SRGAP1: variants seen among roughly 807,000 people sequenced by gnomAD.
SRGAP1 encodes SLIT-ROBO Rho GTPase-activating protein 1.
Under a neutral mutation model 121.9 loss-of-function variants are expected in SRGAP1, and 43 were observed. That is an observed-to-expected ratio of 0.35 (90% CI 0.28 to 0.46). The LOEUF is 0.46. Ranked by LOEUF, SRGAP1 falls within the 20% of genes least tolerant of loss-of-function variation. The pLI, the probability that SRGAP1 is intolerant of heterozygous loss-of-function variation, is 1.00. For missense variants in SRGAP1, 1,102 were observed against 1,350.9 expected, an observed-to-expected ratio of 0.82 and a Z score of 2.89; for synonymous variants, 447 against 485.4, an observed-to-expected ratio of 0.92 and a Z score of 1.04.
Position 64,118,877 on chromosome 12 carries a change from T to C in SRGAP1, c.2224+2984T>C, listed in dbSNP as rs151017599. Reference sequence around the variant, plus strand: ...GCTGGGACTACAGGCATGGCTAATTTTTGTATTTTTAGTAGAGACAGCATT... The same window carrying C: ...GCTGGGACTACAGGCATGGCTAATTCTTGTATTTTTAGTAGAGACAGCATT... On this transcript the variant is annotated intron_variant, in intron 18 of 21. Coordinates refer to ENST00000355086, the MANE Select transcript of SRGAP1 (RefSeq NM_020762.4). 1.0e-3 allele frequency among the ~76,000 whole-genome samples: 152 copies of C among 152,052 alleles called. 2 individuals are homozygous for C. Among genetic ancestry groups the C allele is most frequent in the African/African-American group, 3.4e-3 (141 of 41,472 alleles).
chr12:64,006,769 C>A (rs181785275), intron 3 of SRGAP1, among the ~76,000 whole-genome samples: 6 of 152,058 alleles, frequency 3.9e-5, no homozygotes, highest in Admixed American at 3.9e-4. Context: ...ACCAGTGTGT[C>A]CTGGGGGGGA....
At chr12:64,067,460 A>C (rs1331421872) in intron 8 of SRGAP1, among the ~76,000 whole-genome samples, 2 of 152,120 alleles carry the variant, frequency 1.3e-5, no homozygotes, top group Non-Finnish European at 2.9e-5. Flanking sequence ...ACTGACTGCA[A>C]AATAAAACTT....
chr12:64,116,688 C>T (rs2036529310), intron 18 of SRGAP1, among the ~76,000 whole-genome samples: 1 of 152,152 alleles, frequency 6.6e-6, no homozygotes, highest in South Asian at 2.1e-4. Context: ...AACAGTGCTG[C>T]TATGCACTGT....
intron 1 of SRGAP1, among the ~76,000 whole-genome samples, chr12:63,852,835 C>T (rs555540324): frequency 1.3e-5 from 2 of 152,178 alleles, no homozygotes; most frequent in East Asian, 3.9e-4. Flanking sequence ...GCTTCTGTTT[C>T]ACTAGAAAGC....
chr12:63,947,198 A>G (rs2032078621), intron 1 of SRGAP1, among the ~76,000 whole-genome samples: 3 of 152,234 alleles, frequency 2.0e-5, no homozygotes, highest in South Asian at 4.1e-4. Flanking sequence ...ATTTAAATTT[A>G]TAAGAAACTG....
intron 4 of SRGAP1, among the ~76,000 whole-genome samples, chr12:64,028,216 CA>C (rs2034696358): frequency 6.6e-6 from 1 of 152,220 alleles, no homozygotes; most frequent in South Asian, 2.1e-4. Context: ...ATTCCATGCA[CA>C]AACTCTTGGA....
In SRGAP1 at chr12:64,018,715, A is replaced by G. The variant is rs369385274; in HGVS notation, c.489+1703A>G. ...AAACTTTCCACTCTCCATGCAACCT[A>G]CAAAAGCCTCAGGTTAAGAGATTAT... On this transcript the variant is annotated intron_variant, in intron 4 of 21. Coordinates refer to ENST00000355086, the MANE Select transcript of SRGAP1 (RefSeq NM_020762.4). Among the ~76,000 whole-genome samples, 6 of 152,208 alleles carry G rather than the reference A, an allele frequency of 3.9e-5. No homozygotes were observed. In the East Asian group the frequency reaches 5.8e-4, roughly 15 times the overall value.
intron 3 of SRGAP1, among the ~76,000 whole-genome samples, chr12:64,010,154 G>T (rs7311377): frequency 0.48 from 72,790 of 152,000 alleles, 19,255 homozygotes; most frequent in African/African-American, 0.71. Context: ...AACCCTCTCA[G>T]TAAATATTTA....
intron 3 of SRGAP1, among the ~76,000 whole-genome samples, chr12:63,991,559 A>G (rs1192068278): frequency 6.6e-6 from 1 of 152,248 alleles, no homozygotes. Context: ...GAGTTTTAAA[A>G]AAATAATTTA....
intron 4 of SRGAP1, among the ~76,000 whole-genome samples, chr12:64,040,683 T>C (rs916361852): frequency 6.6e-6 from 1 of 152,210 alleles, no homozygotes; most frequent in Non-Finnish European, 1.5e-5. Flanking sequence ...TACTCTCCTG[T>C]ACCTAAGAAT....
chr12:64,058,414 A>G (rs965524064), intron 6 of SRGAP1, among the ~76,000 whole-genome samples: 4 of 152,206 alleles, frequency 2.6e-5, no homozygotes, highest in African/African-American at 9.6e-5. Flanking sequence ...TCATTTTGAT[A>G]CTATTTGCAA....
At chr12:63,964,803 A>G (rs1376389310) in intron 1 of SRGAP1, among the ~76,000 whole-genome samples, 6 of 152,206 alleles carry the variant, frequency 3.9e-5, no homozygotes, top group African/African-American at 1.4e-4. Context: ...AACTGTGTTT[A>G]AGGCCCAATT....
intron 1 of SRGAP1, among the ~76,000 whole-genome samples, chr12:63,958,388 G>A (rs1565969775): frequency 1.3e-5 from 2 of 152,250 alleles, no homozygotes; most frequent in East Asian, 3.9e-4. Context: ...GAGGAATTAG[G>A]ACCCTCCTTA....
At chr12:63,916,857 T>TA (rs948871025) in intron 1 of SRGAP1, among the ~76,000 whole-genome samples, 62 of 152,320 alleles carry the variant, frequency 4.1e-4, no homozygotes, top group African/African-American at 1.4e-3. Context: ...CTCCACCCTC[T>TA]ATCCATTTAT....
intron 1 of SRGAP1, among the ~76,000 whole-genome samples, chr12:63,955,955 G>C (rs1175295177): frequency 6.6e-6 from 1 of 152,094 alleles, no homozygotes; most frequent in Non-Finnish European, 1.5e-5. Context: ...AAAAGGCTCC[G>C]TCCGAAAGTG....
intron 1 of SRGAP1, among the ~76,000 whole-genome samples, chr12:63,962,027 T>C (rs560444979): frequency 7.4e-4 from 113 of 152,312 alleles, no homozygotes; most frequent in African/African-American, 2.4e-3. Context: ...TCTTCAGAAC[T>C]TCAAGTCACC....
intron 4 of SRGAP1, among the ~76,000 whole-genome samples, chr12:64,033,576 A>G (rs114297566): frequency 0.018 from 2,736 of 152,148 alleles, 97 homozygotes; most frequent in African/African-American, 0.063. Flanking sequence ...AAATTAGCCC[A>G]GCATGGTGGC....
At chr12:63,905,528 T>C (rs2030158818) in intron 1 of SRGAP1, among the ~76,000 whole-genome samples, 2 of 152,234 alleles carry the variant, frequency 1.3e-5, no homozygotes, top group Non-Finnish European at 2.9e-5. Context: ...AGCTCCTGCC[T>C]AAAACTTCTT....
chr12:64,131,291 T>C (rs972140703), intron 21 of SRGAP1, among the ~76,000 whole-genome samples: 18 of 152,216 alleles, frequency 1.2e-4, no homozygotes, highest in African/African-American at 4.3e-4. Flanking sequence ...CACATACCTC[T>C]TCCACAAATT....
Sources: gnomAD v4.1 joint callset for allele counts (sites outside exome capture counted in the v4.1 genomes callset) on GRCh38, gnomAD v4.1.1 for gene constraint, MANE v1.5 for transcripts, NCBI Gene and HGNC (gene_info 2026-07-23, HGNC 2026-07-21) for gene names.